CDH12: variants seen among roughly 807,000 people sequenced by gnomAD.
CDH12 encodes the protein cadherin-12.
In CDH12, 41 loss-of-function variants were observed where a neutral mutation model predicts 74.1. That is an observed-to-expected ratio of 0.55 (90% CI 0.43 to 0.72). The LOEUF (loss-of-function observed/expected upper bound fraction) is 0.72. Among genes scored for constraint, CDH12 ranks in the 30% least tolerant of loss-of-function variants. CDH12 has a pLI of 0.00. For missense variants in CDH12, 945 were observed against 977.2 expected (o/e 0.97, Z 0.44); for synonymous variants, 399 against 355.0 (o/e 1.12, Z -1.39).
chr5:22,706,425 C>CCAAT (rs1743012939), intron 1 of CDH12, among the ~76,000 whole-genome samples: 1 of 151,878 alleles, frequency 6.6e-6, no homozygotes, highest in African/African-American at 2.4e-5. Context: ...AAAAAGAAAG[C>CCAAT]CAATCATGTA....
chr5:22,118,755 C>T lies in CDH12; in HGVS notation c.-186-39893G>A, dbSNP rs572184746. 5.3e-5 allele frequency among the ~76,000 whole-genome samples: 8 copies of T among 152,180 alleles called. No homozygotes were observed. The East Asian group carries it at 7.7e-4, about 15-fold the overall frequency. ...AGACTTCCATTTACTTTGTTTGGTT[C>T]TCTTCTTTCTCTCTTCACCATTTTC... On this transcript the variant is annotated intron_variant, in intron 4 of 14. Transcript: ENST00000382254.
chr5:22,009,026 C>T (rs972970660), intron 5 of CDH12, among the ~76,000 whole-genome samples: 25 of 152,186 alleles, frequency 1.6e-4, no homozygotes, highest in African/African-American at 4.8e-4. Flanking sequence ...GACTATGTGG[C>T]CATAGTCCTT....
chr5:22,640,445 T>C (rs1234370420), intron 1 of CDH12, among the ~76,000 whole-genome samples: 1 of 152,196 alleles, frequency 6.6e-6, no homozygotes, highest in Non-Finnish European at 1.5e-5. Context: ...GTTTACGTTA[T>C]CTTGTTTTTC....
intron 10 of CDH12, among the ~76,000 whole-genome samples, chr5:21,783,960 T>G (rs142580390): frequency 1.2e-3 from 181 of 152,228 alleles, no homozygotes; most frequent in Admixed American, 2.1e-3. Flanking sequence ...AACGGTAAAT[T>G]TTTTTAACTG....
Position 22,149,584 on chromosome 5 carries a change from T to C in CDH12, c.-187+62914A>G, listed in dbSNP as rs1747432097. Among the ~76,000 whole-genome samples the C allele has an allele frequency of 3.9e-5, 6 of 152,334 alleles. 1 individual carries two copies. The South Asian group carries it at 1.2e-3, about 32-fold the overall frequency. Reference sequence around the variant, plus strand: ...CTGTTTCTTCTGCTTCCTGAACCTCTAGAAAGATCTCACCTGAGTTTCAGT... The same window carrying C: ...CTGTTTCTTCTGCTTCCTGAACCTCCAGAAAGATCTCACCTGAGTTTCAGT... On this transcript the variant is annotated intron_variant, in intron 4 of 14. Coordinates refer to ENST00000382254, the MANE Select transcript of CDH12 (RefSeq NM_004061.5).
intron 5 of CDH12, among the ~76,000 whole-genome samples, chr5:22,025,834 A>C (rs1300231805): frequency 2.6e-5 from 4 of 152,210 alleles, no homozygotes; most frequent in Non-Finnish European, 5.9e-5. Flanking sequence ...CCATCTTAAC[A>C]AATCACTTTT....
intron 4 of CDH12, among the ~76,000 whole-genome samples, chr5:22,211,879 A>G (rs1158590814): frequency 1.3e-5 from 2 of 151,852 alleles, no homozygotes; most frequent in East Asian, 3.9e-4. Flanking sequence ...CATGTCATAA[A>G]AGAAATCCAC....
intron 7 of CDH12, among the ~76,000 whole-genome samples, chr5:21,843,322 A>G (rs1369763431): frequency 6.6e-6 from 1 of 152,124 alleles, no homozygotes; most frequent in African/African-American, 2.4e-5. Context: ...ATCAACCATC[A>G]ACAAACATAT....
intron 3 of CDH12, among the ~76,000 whole-genome samples, chr5:22,305,254 A>G (rs1200729688): frequency 6.6e-6 from 1 of 152,068 alleles, no homozygotes; most frequent in African/African-American, 2.4e-5. Flanking sequence ...GTTCCCTCCA[A>G]TACAGTATGC....
At chr5:22,041,392 A>G (rs781521604) in intron 5 of CDH12, among the ~76,000 whole-genome samples, 10 of 152,160 alleles carry the variant, frequency 6.6e-5, no homozygotes, top group Non-Finnish European at 1.5e-4. Flanking sequence ...ATTTAATTAA[A>G]AAGAAAGGCA....
At chr5:22,355,070 C>T (rs769409660) in intron 3 of CDH12, among the ~76,000 whole-genome samples, 14 of 151,964 alleles carry the variant, frequency 9.2e-5, no homozygotes, top group South Asian at 2.1e-4. Flanking sequence ...TGGCCATAAA[C>T]CCATAAAGAG....
intron 2 of CDH12, among the ~76,000 whole-genome samples, chr5:22,454,076 G>T (rs1745171771): frequency 6.6e-6 from 1 of 152,102 alleles, no homozygotes; most frequent in East Asian, 2.0e-4. Flanking sequence ...ACAAAATACA[G>T]TTATTAACAT....
chr5:21,939,182 C>T lies in CDH12; in HGVS notation c.526+35909G>A, dbSNP rs181134756. Among the ~76,000 whole-genome samples the T allele has an allele frequency of 6.9e-3, 1,039 of 150,874 alleles. 18 individuals are homozygous for T. Among genetic ancestry groups the T allele is most frequent in the Admixed American group, 8.2e-3 (124 of 15,120 alleles). The stretch of plus-strand genomic sequence containing the variant: ...TATGTATACTTTAATAAAAGTTGTA[C>T]TAAATTTTAAATGTAATATAAATAT... On this transcript the variant is annotated intron_variant, in intron 6 of 14. Coordinates refer to ENST00000382254, the MANE Select transcript of CDH12 (RefSeq NM_004061.5).
chr5:22,820,016 TATAC>T (rs1749602789), intron 1 of CDH12, among the ~76,000 whole-genome samples: 1 of 146,636 alleles, frequency 6.8e-6, no homozygotes, highest in African/African-American at 2.5e-5. Context: ...TATACATATA[TATAC>T]ATATATATAC....
At chr5:21,832,694 TATTC>T (rs1483694880) in intron 8 of CDH12, among the ~76,000 whole-genome samples, 2 of 146,090 alleles carry the variant, frequency 1.4e-5, no homozygotes, top group Non-Finnish European at 3.0e-5. Context: ...CTTATTAACT[TATTC>T]ATTCTATTTA....
At chr5:21,935,593 C>G (rs1755041073) in intron 6 of CDH12, among the ~76,000 whole-genome samples, 1 of 152,160 alleles carries the variant, frequency 6.6e-6, no homozygotes, top group Admixed American at 6.6e-5. Flanking sequence ...GTGTTACAAA[C>G]AATCTGATTA....
At chr5:21,882,490 T>G in intron 6 of CDH12, 1 of 707,904 alleles carries the variant, frequency 1.4e-6, no homozygotes, top group Non-Finnish European at 2.5e-6. Context: ...CTGCCACATT[T>G]ATTTGCTTTT....
chr5:21,770,526 G>C (rs989836011), intron 11 of CDH12, among the ~76,000 whole-genome samples: 2 of 151,530 alleles, frequency 1.3e-5, no homozygotes, highest in African/African-American at 4.8e-5. Flanking sequence ...CGGGAGGCAG[G>C]AGAATCTCTT....
chr5:22,296,604 C>G lies in CDH12; in HGVS notation c.-332-83961G>C, dbSNP rs1737633475. 2.0e-5 allele frequency among the ~76,000 whole-genome samples: 3 copies of G among 152,084 alleles called. No homozygotes were observed. In the South Asian group the frequency reaches 6.2e-4, roughly 32 times the overall value. ...TGAACTTACTAAATAGGAAATATTT[C>G]TAAACAAACAATTGAGTGGGTATTA... On this transcript the variant is annotated intron_variant, in intron 3 of 14. Transcript: ENST00000382254.
Sources: allele counts gnomAD v4.1 joint callset (sites outside exome capture counted in the v4.1 genomes callset), GRCh38; gene constraint gnomAD v4.1.1; transcripts MANE v1.5; gene names NCBI Gene and HGNC (gene_info 2026-07-23, HGNC 2026-07-21).